The following APBA1 variants were observed in gnomAD, a reference collection of about 807,000 sequenced individuals.
APBA1 encodes amyloid beta precursor protein binding family A member 1, also known as amyloid-beta A4 precursor protein-binding family A member 1.
APBA1 carries 55 observed loss-of-function variants against 86.6 expected under a neutral mutation model. That is an observed-to-expected ratio of 0.64 (90% CI 0.51 to 0.80). The LOEUF (loss-of-function observed/expected upper bound fraction) is 0.80, where lower values mean the gene tolerates loss of function less well. APBA1 is among the 30% of genes least tolerant of loss of function. The pLI, the probability that APBA1 is intolerant of heterozygous loss-of-function variation, is 0.00. For synonymous variants in APBA1, 511 were observed against 493.9 expected, an observed-to-expected ratio of 1.03 and a Z score of -0.46; for missense variants, 1,090 against 1,183.0, an observed-to-expected ratio of 0.92 and a Z score of 1.15.
intron 1 of APBA1, among the ~76,000 whole-genome samples, chr9:69,523,501 A>ATATG (rs1836292690): frequency 6.3e-5 from 2 of 31,658 alleles, no homozygotes; most frequent in South Asian, 1.3e-3. Flanking sequence ...ATATATGTAT[A>ATATG]TATATATATA....
chr9:69,455,176 C>T (rs1396879054), intron 8 of APBA1, among the ~76,000 whole-genome samples: 1 of 152,162 alleles, frequency 6.6e-6, no homozygotes, highest in Non-Finnish European at 1.5e-5. Context: ...TTTGAAGGAA[C>T]CAAGGCTATC....
chr9:69,669,323 A>C (rs1823901479), intron 1 of APBA1, among the ~76,000 whole-genome samples: 1 of 152,146 alleles, frequency 6.6e-6, no homozygotes, highest in African/African-American at 2.4e-5. Flanking sequence ...AATATCTCTT[A>C]CCCCTAAGTC....
At chr9:69,595,728 T>C (rs1264560912) in intron 1 of APBA1, among the ~76,000 whole-genome samples, 1 of 152,174 alleles carries the variant, frequency 6.6e-6, no homozygotes, top group Non-Finnish European at 1.5e-5. Context: ...TAAACGATAG[T>C]AGCAGGATGT....
At position 69,490,330 on chromosome 9, in the gene APBA1, G is replaced by C. The variant is rs887060754; in HGVS notation, c.1201-14187C>G. On this transcript the variant is annotated intron_variant, in intron 2 of 12. Transcript: ENST00000265381. ...CACACTCTGGGGACTGTTGTGGGGT[G>C]GGGGGAGAGGGGAGAGATAGCTTTA... Among the ~76,000 whole-genome samples, 17 of 152,002 alleles carry C rather than the reference G, an allele frequency of 1.1e-4. No individual in the cohort carries two copies. The East Asian group carries it at 1.5e-3, about 14-fold the overall frequency.
chr9:69,626,535 G>A (rs1215196446), intron 1 of APBA1, among the ~76,000 whole-genome samples: 5 of 152,058 alleles, frequency 3.3e-5, no homozygotes, highest in Admixed American at 1.3e-4. Flanking sequence ...ACAAGAATAA[G>A]AAAGAACTGT....
chr9:69,490,739 A>T (rs931435463), intron 2 of APBA1, among the ~76,000 whole-genome samples: 1 of 152,118 alleles, frequency 6.6e-6, no homozygotes, highest in African/African-American at 2.4e-5. Flanking sequence ...GTCTACAAAG[A>T]ACTCAAACAA....
chr9:69,650,355 G>T (rs2134015438), intron 1 of APBA1, among the ~76,000 whole-genome samples: 1 of 152,246 alleles, frequency 6.6e-6, no homozygotes, highest in South Asian at 2.1e-4. Context: ...ATTGTTACTT[G>T]GTGTTTTAAA....
chr9:69,539,952 C>A (rs1467308614), intron 1 of APBA1, among the ~76,000 whole-genome samples: 1 of 152,138 alleles, frequency 6.6e-6, no homozygotes, highest in African/African-American at 2.4e-5. Flanking sequence ...AACCCTGTCT[C>A]TACTAAAAAT....
intron 1 of APBA1, among the ~76,000 whole-genome samples, chr9:69,599,915 A>G (rs960730537): frequency 6.6e-6 from 1 of 152,188 alleles, no homozygotes; most frequent in Admixed American, 6.5e-5. Flanking sequence ...ATGCGTTTTT[A>G]CAAGACTGAT....
intron 5 of APBA1, among the ~76,000 whole-genome samples, chr9:69,460,475 AG>A: frequency 6.6e-6 from 1 of 152,224 alleles, no homozygotes; most frequent in Middle Eastern, 3.4e-3. Context: ...GACAGCTGGG[AG>A]ATCTTTAATG....
chr9:69,456,168 G>A (rs1835092868), intron 8 of APBA1, 79 bp downstream of exon 8: 1 of 1,427,000 alleles, frequency 7.0e-7, no homozygotes, highest in South Asian at 1.2e-5. Flanking sequence ...TGCATCATGT[G>A]TGATGAATTA....
intron 1 of APBA1, among the ~76,000 whole-genome samples, chr9:69,530,672 G>C (rs1044018596): frequency 4.6e-5 from 7 of 152,166 alleles, no homozygotes; most frequent in Admixed American, 4.6e-4. Context: ...CCAGTATGCA[G>C]TATACCCATG....
chr9:69,485,110 C>G (rs905563753), intron 2 of APBA1, among the ~76,000 whole-genome samples: 1 of 151,980 alleles, frequency 6.6e-6, no homozygotes, highest in Non-Finnish European at 1.5e-5. Flanking sequence ...GCCACTGTGG[C>G]TGGCCTCAAT....
chr9:69,489,417 T>C (rs964884651), intron 2 of APBA1, among the ~76,000 whole-genome samples: 3 of 152,140 alleles, frequency 2.0e-5, no homozygotes, highest in African/African-American at 7.2e-5. Context: ...GAAAACTGGC[T>C]AGCCATATGT....
At chr9:69,431,604 A>G (rs1834597304) in intron 12 of APBA1, among the ~76,000 whole-genome samples, 1 of 152,244 alleles carries the variant, frequency 6.6e-6, no homozygotes, top group Non-Finnish European at 1.5e-5. Flanking sequence ...CTTAGGGGTG[A>G]CAGAAATGAA....
At chr9:69,589,470 A>G (rs1178894623) in intron 1 of APBA1, among the ~76,000 whole-genome samples, 1 of 152,080 alleles carries the variant, frequency 6.6e-6, no homozygotes, top group Non-Finnish European at 1.5e-5. Context: ...CTCTCTCACA[A>G]CCACTTAAAG....
chr9:69,471,541 G>C (rs1588304522), intron 4 of APBA1, 115 bp downstream of exon 4: 1 of 838,822 alleles, frequency 1.2e-6, no homozygotes, highest in Non-Finnish European at 2.0e-6. Context: ...TTGTGAATAA[G>C]TGACTTTGTG....
chr9:69,652,416 C>A (rs1041260625), intron 1 of APBA1, among the ~76,000 whole-genome samples: 2 of 152,146 alleles, frequency 1.3e-5, no homozygotes, highest in African/African-American at 4.8e-5. Flanking sequence ...AAAGGCATGT[C>A]TACTGCCAAC....
At chr9:69,650,953 C>T (rs1823486298) in intron 1 of APBA1, among the ~76,000 whole-genome samples, 1 of 152,090 alleles carries the variant, frequency 6.6e-6, no homozygotes, top group Admixed American at 6.5e-5. Context: ...GACAGAAAGA[C>T]ATATATAACA....
Sources: allele counts gnomAD v4.1 joint callset (sites outside exome capture counted in the v4.1 genomes callset), GRCh38; gene constraint gnomAD v4.1.1; transcripts MANE v1.5; gene names NCBI Gene and HGNC (gene_info 2026-07-23, HGNC 2026-07-21).